Variants in NCKAP5 observed in about 807,000 individuals in gnomAD.
The protein encoded by NCKAP5 is nck-associated protein 5.
A neutral mutation model predicts 167.0 loss-of-function variants in NCKAP5; 92 were observed. The observed-to-expected ratio is 0.55, with a 90% confidence interval of 0.47 to 0.66. The LOEUF is 0.66. Among genes scored for constraint, NCKAP5 ranks in the 30% least tolerant of loss-of-function variants. NCKAP5 has a pLI of 0.00. For synonymous variants in NCKAP5, 891 were observed against 877.4 expected (o/e 1.02, Z -0.27); for missense variants, 2,378 against 2,315.0 (o/e 1.03, Z -0.56).
At chr2:133,287,100 C>T (rs749739910) in intron 4 of NCKAP5, among the ~76,000 whole-genome samples, 1 of 152,206 alleles carries the variant, frequency 6.6e-6, no homozygotes, top group Non-Finnish European at 1.5e-5. Context: ...AATGCCCTTT[C>T]TAGTTCTAAA....
intron 6 of NCKAP5, chr2:133,117,767 A>C (rs1379007312): frequency 6.6e-6 from 1 of 152,222 alleles, no homozygotes; most frequent in African/African-American, 2.4e-5. Context: ...TGTTTCTGAC[A>C]TCAAAGGTGA....
intron 3 of NCKAP5, among the ~76,000 whole-genome samples, chr2:133,318,973 C>A (rs927373221): frequency 6.6e-6 from 1 of 152,102 alleles, no homozygotes. Flanking sequence ...ATTAGAAATG[C>A]AACTTCTCTG....
intron 3 of NCKAP5, among the ~76,000 whole-genome samples, chr2:133,388,134 T>C (rs1687130199): frequency 6.6e-6 from 1 of 152,172 alleles, no homozygotes; most frequent in Admixed American, 6.5e-5. Flanking sequence ...TTTTAGAATT[T>C]TCAGATTTTC....
intron 9 of NCKAP5, among the ~76,000 whole-genome samples, chr2:132,873,205 G>A (rs562165223): frequency 0.053 from 8,094 of 152,186 alleles, 227 homozygotes; most frequent in East Asian, 0.099. Flanking sequence ...CCGGGTTCAC[G>A]CCATTCTCCT....
chr2:132,746,464 C>T (rs1171375532), intron 16 of NCKAP5, among the ~76,000 whole-genome samples: 1 of 151,778 alleles, frequency 6.6e-6, no homozygotes, highest in Non-Finnish European at 1.5e-5. Context: ...ATCTCTGTGG[C>T]CTTGGATTAG....
chr2:132,818,384 C>A (rs2105305636), intron 11 of NCKAP5, among the ~76,000 whole-genome samples: 1 of 152,290 alleles, frequency 6.6e-6, no homozygotes, highest in East Asian at 1.9e-4. Flanking sequence ...CCTCAGGAAT[C>A]CATGAATAGG....
chr2:133,652,974 A>G, the NCKAP5 span, among the ~76,000 whole-genome samples: 1 of 152,222 alleles, frequency 6.6e-6, no homozygotes, highest in African/African-American at 2.4e-5. Context: ...GAAATGATGC[A>G]GATGAACACG....
intron 9 of NCKAP5, among the ~76,000 whole-genome samples, chr2:132,878,171 G>T (rs188819045): frequency 4.2e-4 from 64 of 152,270 alleles, no homozygotes; most frequent in Non-Finnish European, 6.3e-4. Flanking sequence ...CGAGGGCTCT[G>T]AGCGCATGTC....
At chr2:133,400,528 G>C (rs1256180583) in intron 3 of NCKAP5, among the ~76,000 whole-genome samples, 11 of 152,160 alleles carry the variant, frequency 7.2e-5, no homozygotes, top group Non-Finnish European at 2.9e-5. Flanking sequence ...GATGGAGGCA[G>C]CGACTGGAGT....
chr2:133,547,163 T>G lies in NCKAP5; in HGVS notation c.-62+11887A>C, dbSNP rs533471912. 1.3e-3 allele frequency among the ~76,000 whole-genome samples: 199 copies of G among 152,228 alleles called. 1 individual carries two copies. The highest frequency in any genetic ancestry group is 4.2e-3 in the African/African-American group (176 of 41,538). ...TCACTCCCACCCGAATATTGCGCTA[T>G]TCGGACCGGCTTAAAAAACGGCGCG... On this transcript the variant is annotated intron_variant, in intron 2 of 19. Coordinates refer to ENST00000409261, the MANE Select transcript of NCKAP5 (RefSeq NM_207363.3).
rs146685268 is a variant in NCKAP5, at chr2:132,772,061, T to C, written c.5128+1755A>G. ...GGGTAGATAGACAAATACTTACCAT[T>C]GTGTTTTAATTGCCTGCAATATTCA... On this transcript the variant is annotated intron_variant, in intron 16 of 19. Transcript: ENST00000409261. 4.9e-3 allele frequency among the ~76,000 whole-genome samples: 751 copies of C among 152,106 alleles called. 5 individuals carry two copies. Among genetic ancestry groups the C allele is most frequent in the South Asian group, 8.7e-3 (42 of 4,812 alleles).
intron 6 of NCKAP5, among the ~76,000 whole-genome samples, chr2:133,094,250 G>A (rs987662134): frequency 3.9e-5 from 6 of 152,354 alleles, no homozygotes; most frequent in South Asian, 4.1e-4. Context: ...GGACAGCTGA[G>A]AGAGATATAG....
chr2:132,793,548 A>T (rs911664196), intron 12 of NCKAP5, among the ~76,000 whole-genome samples: 2 of 152,242 alleles, frequency 1.3e-5, no homozygotes, highest in South Asian at 4.1e-4. Flanking sequence ...AGGTGCTTCA[A>T]TGCTGCTATT....
chr2:133,631,578 A>G, the NCKAP5 span, among the ~76,000 whole-genome samples: 18,621 of 152,166 alleles, frequency 0.12, 2,313 homozygotes, highest in East Asian at 0.45. Flanking sequence ...AAAAGGTGTA[A>G]CTCCTGGATA....
At chr2:133,158,057 G>A (rs1476687869) in intron 5 of NCKAP5, among the ~76,000 whole-genome samples, 1 of 152,208 alleles carries the variant, frequency 6.6e-6, no homozygotes, top group Admixed American at 6.5e-5. Flanking sequence ...GCTTCTAAAT[G>A]AAAGAGGATA....
chr2:132,764,453 G>A (rs1198278170), intron 16 of NCKAP5, among the ~76,000 whole-genome samples: 4 of 152,176 alleles, frequency 2.6e-5, no homozygotes, highest in African/African-American at 7.2e-5. Context: ...TTATAAGTGG[G>A]TGAACTCAGT....
the NCKAP5 span, among the ~76,000 whole-genome samples, chr2:133,652,156 T>C: frequency 3.9e-5 from 6 of 152,192 alleles, no homozygotes; most frequent in Non-Finnish European, 7.3e-5. Context: ...TTGGTTCTTA[T>C]AGTCACATAC....
At chr2:132,979,354 A>G (rs2077063030) in intron 7 of NCKAP5, among the ~76,000 whole-genome samples, 1 of 152,044 alleles carries the variant, frequency 6.6e-6, no homozygotes, top group Non-Finnish European at 1.5e-5. Flanking sequence ...CTGCTTCTTC[A>G]GACACCTCTG....
chr2:133,499,881 C>A (rs75220952), intron 3 of NCKAP5, among the ~76,000 whole-genome samples: 6,488 of 152,202 alleles, frequency 0.043, 352 homozygotes, highest in East Asian at 0.27. Context: ...TTTGCAAATT[C>A]TTTGATTTTT....
Sources: allele counts gnomAD v4.1 joint callset (sites outside exome capture counted in the v4.1 genomes callset), GRCh38; gene constraint gnomAD v4.1.1; transcripts MANE v1.5; gene names NCBI Gene and HGNC (gene_info 2026-07-23, HGNC 2026-07-21).